Variants in SHANK2 observed in about 807,000 individuals in gnomAD.
SHANK2 encodes the protein SH3 and multiple ankyrin repeat domains 2.
In SHANK2, 43 loss-of-function variants were observed where a neutral mutation model predicts 133.7. The observed-to-expected ratio is 0.32, with a 90% confidence interval of 0.25 to 0.41. The LOEUF is 0.41. Ranked by LOEUF, SHANK2 falls within the 10% of genes least tolerant of loss-of-function variation. The pLI, the probability that SHANK2 is intolerant of heterozygous loss-of-function variation, is 1.00. For synonymous variants in SHANK2, 1,017 were observed against 952.8 expected (o/e 1.07, Z -1.24); for missense variants, 1,994 against 2,235.8 (o/e 0.89, Z 2.18).
intron 14 of SHANK2, among the ~76,000 whole-genome samples, chr11:70,717,220 C>A (rs1483350977): frequency 6.6e-6 from 1 of 152,120 alleles, no homozygotes. Context: ...GGAAAGAACA[C>A]GCCAGAAAAT....
intron 14 of SHANK2, among the ~76,000 whole-genome samples, chr11:70,770,347 T>C (rs752946748): frequency 5.3e-5 from 8 of 152,174 alleles, no homozygotes; most frequent in Non-Finnish European, 1.0e-4. Flanking sequence ...GTGACTGGGG[T>C]CATGGCCATG....
intron 3 of SHANK2, among the ~76,000 whole-genome samples, chr11:71,122,559 A>G: frequency 6.6e-6 from 1 of 152,192 alleles, no homozygotes; most frequent in East Asian, 1.9e-4. Flanking sequence ...TGACGAGTTA[A>G]TGGGTACAGC....
chr11:70,915,930 G>C (rs1950263220), intron 10 of SHANK2, among the ~76,000 whole-genome samples: 1 of 152,112 alleles, frequency 6.6e-6, no homozygotes, highest in African/African-American at 2.4e-5. Context: ...ATTTATTTCA[G>C]AGCGCAGGCC....
intron 11 of SHANK2, among the ~76,000 whole-genome samples, chr11:70,876,261 C>CACACACAT: frequency 6.6e-6 from 1 of 151,076 alleles, no homozygotes; most frequent in Admixed American, 6.6e-5. Flanking sequence ...CACACACACA[C>CACACACAT]ACACACACAC....
At chr11:71,109,772 C>T (rs782065744) in intron 6 of SHANK2, among the ~76,000 whole-genome samples, 169 bp downstream of exon 6, 14 of 152,378 alleles carry the variant, frequency 9.2e-5, no homozygotes, top group South Asian at 2.1e-4. Context: ...AAGGCGGGCT[C>T]GGCCCCTTCT....
At chr11:70,842,017 C>T (rs1362764790) in intron 11 of SHANK2, among the ~76,000 whole-genome samples, 3 of 152,142 alleles carry the variant, frequency 2.0e-5, no homozygotes, top group Non-Finnish European at 4.4e-5. Context: ...TAACCCTGGG[C>T]TCCTCCAGGA....
chr11:70,568,646 G>GGCCCCCCCCCCCCCCCCCCCCCC (rs2059999450), intron 17 of SHANK2, among the ~76,000 whole-genome samples: 1 of 79,966 alleles, frequency 1.3e-5, no homozygotes, highest in Non-Finnish European at 2.8e-5. Flanking sequence ...GCGGATTCCT[G>GGCCCCCCCCCCCCCCCCCCCCCC]CCCCCCCCGC....
chr11:71,155,010 A>G (rs1372402056), intron 2 of SHANK2, among the ~76,000 whole-genome samples: 6 of 108,340 alleles, frequency 5.5e-5, no homozygotes, highest in African/African-American at 7.2e-5. Flanking sequence ...CCACGCTCCC[A>G]GAGGAGGGAT....
At chr11:71,132,554 T>G (rs1952337887) in intron 3 of SHANK2, among the ~76,000 whole-genome samples, 1 of 152,292 alleles carries the variant, frequency 6.6e-6, no homozygotes, top group Non-Finnish European at 1.5e-5. Context: ...GCACCTCAAG[T>G]CAAGACGTTT....
intron 2 of SHANK2, among the ~76,000 whole-genome samples, chr11:71,160,224 TG>T (rs373684137): frequency 2.5e-4 from 38 of 152,236 alleles, no homozygotes; most frequent in African/African-American, 8.9e-4. Flanking sequence ...GAATGCAAAG[TG>T]GGACTGCTCC....
chr11:70,639,229 G>A (rs945851971), intron 17 of SHANK2, among the ~76,000 whole-genome samples: 4 of 152,228 alleles, frequency 2.6e-5, no homozygotes, highest in South Asian at 2.1e-4. Context: ...AGTGGGCTCC[G>A]CAAGTGCCTG....
chr11:71,167,823 G>C (rs1469135949), intron 2 of SHANK2, among the ~76,000 whole-genome samples: 1 of 143,542 alleles, frequency 7.0e-6, no homozygotes, highest in Non-Finnish European at 1.5e-5. Flanking sequence ...CTCCCGGACG[G>C]GGCGGCCGGC....
At chr11:70,640,268 T>G (rs1175995512) in intron 17 of SHANK2, among the ~76,000 whole-genome samples, 38 of 152,294 alleles carry the variant, frequency 2.5e-4, no homozygotes, top group African/African-American at 9.1e-4. Context: ...CAGTGACAAG[T>G]GTCTTTATAA....
At chr11:71,215,679 G>A (rs1034819858) in intron 2 of SHANK2, among the ~76,000 whole-genome samples, 54 of 151,760 alleles carry the variant, frequency 3.6e-4, no homozygotes, top group African/African-American at 1.1e-3. Flanking sequence ...TAATGTCCTC[G>A]GACATCCATC....
chr11:70,705,854 C>T (rs370629893), intron 14 of SHANK2: 2 of 152,470 alleles, frequency 1.3e-5, no homozygotes, highest in Admixed American at 6.5e-5. Flanking sequence ...GCAGCAGCCT[C>T]CTGCCTCCTT....
At chr11:71,211,037 G>A (rs986531762) in intron 2 of SHANK2, among the ~76,000 whole-genome samples, 1 of 152,068 alleles carries the variant, frequency 6.6e-6, no homozygotes, top group Non-Finnish European at 1.5e-5. Context: ...CTGTTTCAGG[G>A]GGGTCCCCCA....
intron 1 of SHANK2, among the ~76,000 whole-genome samples, chr11:71,235,360 G>C (rs1040163514): frequency 6.6e-6 from 1 of 152,104 alleles, no homozygotes; most frequent in East Asian, 1.9e-4. Flanking sequence ...TTGGGAGGCC[G>C]AGGCAGGTGG....
chr11:71,076,719 ACT>A (rs1808352335), intron 8 of SHANK2, among the ~76,000 whole-genome samples: 1 of 151,812 alleles, frequency 6.6e-6, no homozygotes, highest in African/African-American at 2.4e-5. Flanking sequence ...CCCCAGCTCC[ACT>A]CTCAGAGGTC....
chr11:70,920,683 G>A (rs1411234357), intron 10 of SHANK2, among the ~76,000 whole-genome samples: 2 of 152,222 alleles, frequency 1.3e-5, no homozygotes, highest in Admixed American at 6.5e-5. Context: ...GTGACAGCAC[G>A]CCACTGCAGG....
Sources: allele counts gnomAD v4.1 joint callset (sites outside exome capture counted in the v4.1 genomes callset), GRCh38; gene constraint gnomAD v4.1.1; transcripts MANE v1.5; gene names NCBI Gene and HGNC (gene_info 2026-07-23, HGNC 2026-07-21).